Variants in POTEF observed in about 807,000 individuals in gnomAD.
POTEF encodes ANKRD26-like family C member 1B.
POTEF carries 20 observed loss-of-function variants against 83.2 expected under a neutral mutation model. The observed-to-expected ratio is 0.24, with a 90% CI of 0.17 to 0.35. The LOEUF is 0.35. Among genes scored for constraint, POTEF ranks in the 10% least tolerant of loss-of-function variants. The probability of loss-of-function intolerance (pLI) is 1.00; values close to 1 mark genes in which losing one functional copy is unlikely to be tolerated. For synonymous variants in POTEF, 196 were observed against 446.4 expected, an observed-to-expected ratio of 0.44 and a Z score of 7.07; for missense variants, 550 against 1,203.2, an observed-to-expected ratio of 0.46 and a Z score of 8.03.
chr2:130,117,651 G>T (rs1009400581), intron 3 of POTEF, among the ~76,000 whole-genome samples: 1 of 151,670 alleles, frequency 6.6e-6, no homozygotes, highest in African/African-American at 2.4e-5. Context: ...TTACATATTA[G>T]TCCATCCTAT....
At position 130,073,947 on chromosome 2, in the gene POTEF, T is replaced by C. The variant is rs1287482985; in HGVS notation, c.*297A>G. ...CCTTAGAGAGAAGTGGGGTGGCTTTTAGCAGGGCAAGGGGCTTCCTGAAAC... is the reference window on the plus strand; with the variant it reads ...CCTTAGAGAGAAGTGGGGTGGCTTTCAGCAGGGCAAGGGGCTTCCTGAAAC... On this transcript the variant is annotated 3_prime_UTR_variant, in exon 17 of 17. Coordinates refer to ENST00000409914, the MANE Select transcript of POTEF (RefSeq NM_001099771.2). 6 of 554,704 alleles carry C rather than the reference T, an allele frequency of 1.1e-5. No homozygotes were observed. Among genetic ancestry groups the C allele is most frequent in the Admixed American group, 9.3e-5 (3 of 32,192 alleles). 34.4% of individuals were successfully genotyped at this position (554,704 alleles called of 1,614,324 possible).
rs1199072739 is a variant in POTEF at position 130,129,174 on chromosome 2, A to ATGCGTTGG, written c.-353_-352insCCAACGCA. ...AGGGGCTCAGGCTCCAGCCTCCAGC[A>ATGCGTTGG]TGCCGCTCCCTTCTACTCGTCTTCC... On this transcript the variant is annotated 5_prime_UTR_variant, in exon 1 of 17. In the 5' UTR this introduces an upstream ATG that the reference lacks. Transcript: ENST00000409914. 1 of 36,250 alleles carries ATGCGTTGG rather than the reference A, an allele frequency of 2.8e-5. No homozygotes were observed. The highest frequency in any genetic ancestry group is 8.3e-5 in the African/African-American group (1 of 12,076). The allele number at this position is 36,250 out of a possible 1,614,324, so 2.2% of individuals were successfully genotyped here. A position where few individuals can be genotyped will look rare whatever the true frequency, so the allele number is the denominator to read the frequency against.
chr2:130,091,889 TGCACTTGC>T (rs1684137102), intron 12 of POTEF, among the ~76,000 whole-genome samples: 1 of 23,076 alleles, frequency 4.3e-5, no homozygotes, highest in Non-Finnish European at 8.8e-5. Context: ...TCTTGTCTTC[TGCACTTGC>T]TGCTCTTCCT....
chr2:130,121,981 C>T, intron 2 of POTEF, among the ~76,000 whole-genome samples: 1 of 151,660 alleles, frequency 6.6e-6, no homozygotes, highest in East Asian at 1.9e-4. Context: ...AAACCTCTCC[C>T]AGCCCTAGGC....
intron 1 of POTEF, 113 bp from the exon 2 acceptor site, chr2:130,127,977 G>A (rs1685140329): frequency 8.2e-6 from 1 of 122,654 alleles, no homozygotes; most frequent in African/African-American, 3.4e-5. Context: ...CCGAAGTCCA[G>A]CCTCTCTTTC....
chr2:130,127,017 A>G (rs1267005452), intron 2 of POTEF, among the ~76,000 whole-genome samples: 3 of 151,946 alleles, frequency 2.0e-5, no homozygotes, highest in Non-Finnish European at 4.4e-5. Context: ...CAAGACCATC[A>G]CAACAAAAAA....
intron 1 of POTEF, among the ~76,000 whole-genome samples, chr2:130,128,651 C>G (rs1240965919): frequency 6.6e-6 from 1 of 152,084 alleles, no homozygotes; most frequent in Non-Finnish European, 1.5e-5. Flanking sequence ...TCAAAATCGC[C>G]GCCCCCACCC....
intron 8 of POTEF, among the ~76,000 whole-genome samples, chr2:130,103,433 G>A (rs1473549182): frequency 2.7e-5 from 4 of 149,006 alleles, no homozygotes; most frequent in East Asian, 3.9e-4. Flanking sequence ...CTATGAGAAC[G>A]TCTTCCTTGA....
chr2:130,083,039 GA>G (rs1683930978), intron 15 of POTEF, among the ~76,000 whole-genome samples: 1 of 115,972 alleles, frequency 8.6e-6, no homozygotes, highest in Admixed American at 8.4e-5. Flanking sequence ...ATACACAGTA[GA>G]AAAAGTCACG....
Position 130,075,401 on chromosome 2 carries a change from A to G in POTEF, c.2071T>C (p.Leu691=), listed in dbSNP as rs780069359. The G allele has an allele frequency of 7.4e-6, 12 of 1,611,694 alleles. No homozygotes were observed. Among genetic ancestry groups the G allele is most frequent in the African/African-American group, 1.3e-5 (1 of 74,810 alleles). ...AGCTCATTCAATTGTAGAGCCTTTA[A>G]AAGATTATCATTCCTTTTTTTCACA... The part of the protein sequence containing the change: ...ESVKKRNDNL[L]KALQLNELTM... The change falls in exon 17 of 17, where the codon TTA becomes CTA. Residue 691 remains leucine, a synonymous_variant. Coordinates refer to ENST00000409914, the MANE Select transcript of POTEF (RefSeq NM_001099771.2).
At chr2:130,107,243 T>C (rs1684563223) in intron 8 of POTEF, among the ~76,000 whole-genome samples, 1 of 149,820 alleles carries the variant, frequency 6.7e-6, no homozygotes, top group Non-Finnish European at 1.5e-5. Context: ...ATTACTGTTA[T>C]GATGACAATT....
At chr2:130,108,213 T>C in intron 7 of POTEF, 134 bp from the exon 8 acceptor site, 5 of 1,392,904 alleles carry the variant, frequency 3.6e-6, no homozygotes, top group South Asian at 2.8e-5. Context: ...CCCACCCACT[T>C]GTGAGTACAT....
At chr2:130,118,234 C>A (rs537064864) in intron 3 of POTEF, among the ~76,000 whole-genome samples, 2 of 152,016 alleles carry the variant, frequency 1.3e-5, no homozygotes, top group East Asian at 3.9e-4. Flanking sequence ...GCCACTGTAC[C>A]CGGCCTTTCA....
Position 130,114,950 on chromosome 2 carries a change from G to C in POTEF, c.741C>G (p.Ile247Met), listed in dbSNP as rs1684803901. ...EYGNTTLHYA[I>M]YNEDKLMAKA... ...TGGCCATTAATTTATCTTCATTATA[G>C]ATAGCGTAGTGCAGAGTGGTATTTC... The change falls in exon 5 of 17, where the codon ATC (isoleucine) becomes ATG (methionine). Residue 247 changes from isoleucine (I) to methionine (M), a missense_variant. Physicochemically the swap from Ile to Met is conservative, Grantham distance 10. Coordinates refer to ENST00000409914, the MANE Select transcript of POTEF (RefSeq NM_001099771.2). 13 of 1,517,826 alleles carry C rather than the reference G, an allele frequency of 8.6e-6. No individual in the cohort carries two copies. In the East Asian group the frequency reaches 2.4e-4, roughly 28 times the overall value. The allele number at this position is 1,517,826 out of a possible 1,614,324, so 94.0% of individuals were successfully genotyped here.
chr2:130,129,058 C>T lies in POTEF; in HGVS notation c.-250+14G>A, dbSNP rs1244070249. The T allele has an allele frequency of 1.8e-5, 2 of 111,384 alleles. No individual in the cohort carries two copies. Among genetic ancestry groups the T allele is most frequent in the Admixed American group, 1.0e-4 (1 of 10,030 alleles). 6.9% of individuals were successfully genotyped at this position (111,384 alleles called of 1,614,324 possible). A position where few individuals can be genotyped will look rare whatever the true frequency, so the allele number is the denominator to read the frequency against. ...TGCCCCCACAGGCGGGCAGTACATCCCCGGATAACTCACCTACACCAGGAC... is the reference window on the plus strand; with the variant it reads ...TGCCCCCACAGGCGGGCAGTACATCTCCGGATAACTCACCTACACCAGGAC... On this transcript the variant is annotated intron_variant, in intron 1 of 16. Coordinates refer to ENST00000409914, the MANE Select transcript of POTEF (RefSeq NM_001099771.2).
chr2:130,120,823 G>C (rs2104829009), intron 2 of POTEF: 1 of 493,948 alleles, frequency 2.0e-6, no homozygotes, highest in East Asian at 3.8e-5. Context: ...CAGAGAAAAG[G>C]TCAAGCCCAG....
intron 6 of POTEF, among the ~76,000 whole-genome samples, chr2:130,111,526 C>T (rs2897664): frequency 2.0e-5 from 3 of 151,696 alleles, no homozygotes; most frequent in African/African-American, 4.9e-5. Flanking sequence ...TAAGCTAACA[C>T]TAATATTCTT....
At chr2:130,075,872 C>A (rs1241295298) in intron 16 of POTEF, among the ~76,000 whole-genome samples, 14 of 149,710 alleles carry the variant, frequency 9.4e-5, no homozygotes, top group African/African-American at 3.2e-4. Context: ...TTTTAAGAAT[C>A]CCAGAATTAA....
At chr2:130,116,219 T>C (rs1684840529) in intron 3 of POTEF, among the ~76,000 whole-genome samples, 1 of 151,528 alleles carries the variant, frequency 6.6e-6, no homozygotes, top group African/African-American at 2.5e-5. Flanking sequence ...ATGGGCTCAT[T>C]TTTGTCAATA....
Sources: allele counts gnomAD v4.1 joint callset (sites outside exome capture counted in the v4.1 genomes callset), GRCh38; gene constraint gnomAD v4.1.1; transcripts MANE v1.5; gene names NCBI Gene and HGNC (gene_info 2026-07-23, HGNC 2026-07-21).